Variants in RTL4 observed in about 807,000 individuals in gnomAD.
RTL4 encodes the protein retrotransposon Gag like 4, also known as retrotransposon Gag-like protein 4.
RTL4 carries 4 observed loss-of-function variants against 5.3 expected under a neutral mutation model. The observed-to-expected ratio is 0.75, with a 90% CI of 0.37 to 1.72. RTL4 has a LOEUF of 1.72. Ranked by LOEUF, RTL4 falls within the 40% of genes most tolerant of loss-of-function variation. RTL4 has a pLI of 0.04. For synonymous variants in RTL4, 98 were observed against 87.3 expected (o/e 1.12, Z -0.68); for missense variants, 260 against 227.1 (o/e 1.14, Z -0.93).
chrX:112,349,360 T>C, the RTL4 span, among the ~76,000 whole-genome samples: 1 of 110,901 alleles, frequency 9.0e-6, no homozygotes, highest in Non-Finnish European at 1.9e-5. Flanking sequence ...CATAAAGCCT[T>C]TTTTTTCTTT....
At chrX:112,321,947 T>C in the RTL4 span, among the ~76,000 whole-genome samples, 1 of 111,914 alleles carries the variant, frequency 8.9e-6, no homozygotes, top group East Asian at 2.8e-4. Flanking sequence ...ATAAATAAAA[T>C]CTTCTTTTAG....
chrX:112,312,616 A>G, the RTL4 span, among the ~76,000 whole-genome samples: 7 of 111,673 alleles, frequency 6.3e-5, no homozygotes, highest in African/African-American at 2.3e-4. Flanking sequence ...CAGTGTTACA[A>G]TTAGAGGAAC....
chrX:112,197,703 C>T, the RTL4 span, among the ~76,000 whole-genome samples: 5 of 111,416 alleles, frequency 4.5e-5, no homozygotes, highest in Non-Finnish European at 9.4e-5. Context: ...CCCTCCCCTC[C>T]GTGTCATTGC....
chrX:112,090,662 G>T, the RTL4 span, among the ~76,000 whole-genome samples: 1 of 110,779 alleles, frequency 9.0e-6, no homozygotes, highest in Non-Finnish European at 1.9e-5. Flanking sequence ...GTATTTTTTT[G>T]GGGATTTTTG....
the RTL4 span, among the ~76,000 whole-genome samples, chrX:112,221,949 G>A: frequency 8.9e-6 from 1 of 112,369 alleles, no homozygotes; most frequent in South Asian, 3.7e-4. Context: ...GTAGACAACA[G>A]GATTGAATGT....
the RTL4 span, among the ~76,000 whole-genome samples, chrX:112,280,064 C>A: frequency 9.0e-6 from 1 of 111,233 alleles, no homozygotes; most frequent in Non-Finnish European, 1.9e-5. Flanking sequence ...AAAAAGAATG[C>A]CAAATCTTCA....
the RTL4 span, among the ~76,000 whole-genome samples, chrX:112,236,060 A>G: frequency 9.0e-6 from 1 of 110,859 alleles, no homozygotes; most frequent in Non-Finnish European, 1.9e-5. Flanking sequence ...AGAGGAGGGA[A>G]AGTATGAAAC....
the RTL4 span, among the ~76,000 whole-genome samples, chrX:112,127,508 A>G: frequency 8.9e-6 from 1 of 112,042 alleles, no homozygotes; most frequent in Admixed American, 9.5e-5. Context: ...CTTTCTTCCT[A>G]TGATCAGTAA....
the RTL4 span, among the ~76,000 whole-genome samples, chrX:112,144,437 A>T: frequency 2.7e-5 from 3 of 111,466 alleles, no homozygotes; most frequent in Non-Finnish European, 5.6e-5. Flanking sequence ...GAGGGACCAC[A>T]TAATTTGCAT....
chrX:112,163,510 G>A, the RTL4 span, among the ~76,000 whole-genome samples: 1 of 111,777 alleles, frequency 8.9e-6, no homozygotes, highest in Admixed American at 9.5e-5. Context: ...GCTTCACAGA[G>A]TACTTCTACC....
the RTL4 span, among the ~76,000 whole-genome samples, chrX:112,106,314 CTTTG>C: frequency 9.0e-6 from 1 of 111,570 alleles, no homozygotes; most frequent in Non-Finnish European, 1.9e-5. Context: ...TTCATCAGGT[CTTTG>C]TTTGGCTTTG....
chrX:112,391,869 T>G, the RTL4 span, among the ~76,000 whole-genome samples: 1 of 110,924 alleles, frequency 9.0e-6, no homozygotes, highest in African/African-American at 3.3e-5. Flanking sequence ...ACATCAGTAG[T>G]GGTTGTGAGC....
At chrX:112,435,384 G>A in the RTL4 span, among the ~76,000 whole-genome samples, 3 of 112,250 alleles carry the variant, frequency 2.7e-5, no homozygotes, top group African/African-American at 6.5e-5. Context: ...TGGAGTGCCT[G>A]TGTGATTATT....
the RTL4 span, among the ~76,000 whole-genome samples, chrX:112,432,742 C>A: frequency 9.7e-6 from 1 of 103,040 alleles, no homozygotes; most frequent in Non-Finnish European, 2.0e-5. Flanking sequence ...TTAATTAGAT[C>A]CCATTTGTCA....
the RTL4 span, among the ~76,000 whole-genome samples, chrX:112,161,369 A>G: frequency 1.3e-4 from 15 of 111,541 alleles, no homozygotes; most frequent in African/African-American, 4.2e-4. Flanking sequence ...CTATTCTCAA[A>G]TCAAAAATCT....
At chrX:112,437,484 T>G in the RTL4 span, among the ~76,000 whole-genome samples, 1 of 111,489 alleles carries the variant, frequency 9.0e-6, no homozygotes, top group African/African-American at 3.3e-5. Context: ...AATTTAATCT[T>G]TCTATATTGT....
At chrX:112,370,480 A>G in the RTL4 span, among the ~76,000 whole-genome samples, 1 of 111,951 alleles carries the variant, frequency 8.9e-6, no homozygotes, top group Non-Finnish European at 1.9e-5. Context: ...TTCCAGCCAA[A>G]TAAGAATCCA....
At chrX:112,236,528 G>A in the RTL4 span, among the ~76,000 whole-genome samples, 2 of 91,810 alleles carry the variant, frequency 2.2e-5, no homozygotes, top group Non-Finnish European at 4.3e-5. Flanking sequence ...ATACGACTAT[G>A]TCTTCTGTGA....
the RTL4 span, among the ~76,000 whole-genome samples, chrX:112,418,848 A>G: frequency 9.1e-6 from 1 of 109,489 alleles, no homozygotes; most frequent in African/African-American, 3.3e-5. Context: ...CTGAGAGTAG[A>G]AGACCTCCAT....
Sources: allele counts gnomAD v4.1 joint callset (sites outside exome capture counted in the v4.1 genomes callset), GRCh38; gene constraint gnomAD v4.1.1; transcripts MANE v1.5; gene names NCBI Gene and HGNC (gene_info 2026-07-23, HGNC 2026-07-21).